The following DEPDC1B variants were observed in gnomAD, a reference collection of about 807,000 sequenced individuals.
The protein encoded by DEPDC1B is DEP domain-containing protein 1B.
Under a neutral mutation model 66.5 loss-of-function variants are expected in DEPDC1B, and 51 were observed. The observed-to-expected ratio is 0.77, with a 90% CI of 0.61 to 0.97. The LOEUF is 0.97. Among genes scored for constraint, DEPDC1B ranks in the 50% least tolerant of loss-of-function variants. The pLI, the probability that DEPDC1B is intolerant of heterozygous loss-of-function variation, is 0.00. For synonymous variants in DEPDC1B, 226 were observed against 223.6 expected, an observed-to-expected ratio of 1.01 and a Z score of -0.10; for missense variants, 552 against 637.1, an observed-to-expected ratio of 0.87 and a Z score of 1.44.
intron 2 of DEPDC1B, among the ~76,000 whole-genome samples, chr5:60,683,867 T>C (rs556718674): frequency 6.6e-6 from 1 of 152,184 alleles, no homozygotes; most frequent in East Asian, 1.9e-4. Flanking sequence ...AATCCTAAGA[T>C]GCCACTAAAA....
intron 3 of DEPDC1B, among the ~76,000 whole-genome samples, 168 bp downstream of exon 3, chr5:60,647,228 AAG>A (rs1753339178): frequency 6.6e-6 from 1 of 152,080 alleles, no homozygotes; most frequent in Admixed American, 6.6e-5. Flanking sequence ...GAAAAACTGC[AAG>A]AGTCATTCTT....
intron 2 of DEPDC1B, among the ~76,000 whole-genome samples, chr5:60,662,110 C>T (rs144680101): frequency 3.7e-4 from 56 of 152,090 alleles, no homozygotes; most frequent in African/African-American, 8.9e-4. Flanking sequence ...AACTTCAGGC[C>T]GGGCATGGTG....
intron 2 of DEPDC1B, among the ~76,000 whole-genome samples, chr5:60,686,340 C>A (rs1665443205): frequency 1.3e-5 from 2 of 152,266 alleles, no homozygotes; most frequent in Admixed American, 1.3e-4. Context: ...GGTTGCTCTC[C>A]TCCACCTCCA....
chr5:60,699,549 G>A (rs954177558), intron 1 of DEPDC1B, among the ~76,000 whole-genome samples: 11 of 150,638 alleles, frequency 7.3e-5, no homozygotes, highest in Non-Finnish European at 1.5e-4. Context: ...AAACAGAAAC[G>A]CCAGGGGCCG....
chr5:60,622,683 A>G (rs911574847), intron 7 of DEPDC1B, among the ~76,000 whole-genome samples: 1 of 152,148 alleles, frequency 6.6e-6, no homozygotes, highest in Non-Finnish European at 1.5e-5. Flanking sequence ...GGAGCCCCAC[A>G]CTCACCAAAA....
chr5:60,659,031 G>T (rs972043032), intron 2 of DEPDC1B, among the ~76,000 whole-genome samples: 1 of 152,160 alleles, frequency 6.6e-6, no homozygotes, highest in South Asian at 2.1e-4. Flanking sequence ...AAGGGCCCAG[G>T]GTTCGTCCTA....
Position 60,644,887 on chromosome 5 carries a change from G to A in DEPDC1B, c.579-12C>T, listed in dbSNP as rs1217967679. ...GAATTTTCTGTAAGCTAAAAGATAA[G>A]TAATTATATTAATTAGTTCTGTCTT... On this transcript the variant is annotated splice_polypyrimidine_tract_variant and intron_variant, in intron 4 of 10. Transcript: ENST00000265036. The A allele has an allele frequency of 1.3e-6, 2 of 1,569,618 alleles. No individual in the cohort carries two copies. Among genetic ancestry groups the A allele is most frequent in the Non-Finnish European group, 1.7e-6 (2 of 1,152,142 alleles).
chr5:60,603,655 A>T, intron 8 of DEPDC1B, 88 bp from the exon 9 acceptor site: 1 of 1,380,004 alleles, frequency 7.2e-7, no homozygotes, highest in African/African-American at 1.4e-5. Context: ...AAATATGAGA[A>T]ATGGTCTAAG....
intron 2 of DEPDC1B, among the ~76,000 whole-genome samples, chr5:60,671,296 G>T (rs906752834): frequency 2.6e-5 from 4 of 152,196 alleles, no homozygotes; most frequent in Non-Finnish European, 4.4e-5. Flanking sequence ...CAAGAAGAAA[G>T]CACCAACGTG....
chr5:60,602,006 A>C (rs1257951249), intron 9 of DEPDC1B, among the ~76,000 whole-genome samples: 3 of 152,224 alleles, frequency 2.0e-5, no homozygotes, highest in Admixed American at 6.5e-5. Context: ...TCATGAATTC[A>C]AAGGCTCCTG....
chr5:60,669,444 T>C (rs919990887), intron 2 of DEPDC1B, among the ~76,000 whole-genome samples: 2 of 152,128 alleles, frequency 1.3e-5, no homozygotes, highest in African/African-American at 4.8e-5. Context: ...AGCCAGATAT[T>C]GTTTATTATA....
rs961278768 is a variant in DEPDC1B at position 60,667,595 on chromosome 5, T to A, written c.314+19367A>T. Among the ~76,000 whole-genome samples the A allele has an allele frequency of 9.6e-5, 13 of 135,726 alleles. No individual in the cohort carries two copies. The East Asian group carries it at 1.5e-3, about 16-fold the overall frequency. 89.0% of individuals were successfully genotyped at this position (135,726 alleles called of 152,430 possible). On this transcript the variant is annotated intron_variant, in intron 2 of 10. Transcript: ENST00000265036. ...AGTGGATATTTTACATATATAAAAA[T>A]GGATATTTTACATATATATAAAAAA... is the stretch of plus-strand genomic sequence containing the variant.
chr5:60,665,577 C>A (rs1391938592), intron 2 of DEPDC1B, among the ~76,000 whole-genome samples: 3 of 152,184 alleles, frequency 2.0e-5, no homozygotes, highest in Non-Finnish European at 4.4e-5. Flanking sequence ...ATTGAAGGCA[C>A]CCCTCCCAAG....
chr5:60,668,011 TTTTA>T (rs1449747103), intron 2 of DEPDC1B, among the ~76,000 whole-genome samples: 3 of 109,294 alleles, frequency 2.7e-5, no homozygotes, highest in East Asian at 2.2e-4. Context: ...AAAATGGATA[TTTTA>T]TATATATATA....
In DEPDC1B at chr5:60,681,435, G is replaced by A. The variant is rs78069454; in HGVS notation, c.314+5527C>T. 1.3e-4 allele frequency among the ~76,000 whole-genome samples: 20 copies of A among 152,270 alleles called. 3 individuals carry two copies. The East Asian group carries it at 3.9e-3, about 29-fold the overall frequency. ...AAGAAATAATAGAGACTAAATTACT[G>A]TGCATACCCAAAATCAAAGGGAAGG... On this transcript the variant is annotated intron_variant, in intron 2 of 10. Coordinates refer to ENST00000265036, the MANE Select transcript of DEPDC1B (RefSeq NM_018369.3).
At chr5:60,651,765 A>T (rs1388285482) in intron 2 of DEPDC1B, among the ~76,000 whole-genome samples, 1 of 152,154 alleles carries the variant, frequency 6.6e-6, no homozygotes, top group Non-Finnish European at 1.5e-5. Context: ...GTGGAGAAAA[A>T]AATCTGTGTT....
At chr5:60,686,429 G>T (rs965525305) in intron 2 of DEPDC1B, among the ~76,000 whole-genome samples, 5 of 152,174 alleles carry the variant, frequency 3.3e-5, no homozygotes, top group Admixed American at 6.5e-5. Context: ...TTATCTGGCG[G>T]TAAGTGTCCA....
At chr5:60,610,349 A>G (rs1463584809) in intron 7 of DEPDC1B, among the ~76,000 whole-genome samples, 3 of 152,240 alleles carry the variant, frequency 2.0e-5, no homozygotes, top group African/African-American at 7.2e-5. Context: ...CAAGTGAACT[A>G]AAAGTTTCAG....
intron 7 of DEPDC1B, among the ~76,000 whole-genome samples, chr5:60,615,891 G>A (rs369050986): frequency 5.3e-5 from 8 of 152,194 alleles, no homozygotes; most frequent in South Asian, 2.1e-4. Context: ...GAGGCACCCC[G>A]CAGTAGGGGC....
Sources: allele counts gnomAD v4.1 joint callset (sites outside exome capture counted in the v4.1 genomes callset), GRCh38; gene constraint gnomAD v4.1.1; transcripts MANE v1.5; gene names NCBI Gene and HGNC (gene_info 2026-07-23, HGNC 2026-07-21).